PYROXD2: variants seen among roughly 807,000 people sequenced by gnomAD.
PYROXD2 encodes the protein pyridine nucleotide-disulfide oxidoreductase domain-containing protein 2.
PYROXD2 carries 69 observed loss-of-function variants against 71.1 expected under a neutral mutation model. That is an observed-to-expected ratio of 0.97 (90% CI 0.80 to 1.19). The LOEUF (loss-of-function observed/expected upper bound fraction) is 1.19. Ranked by LOEUF, PYROXD2 falls within the 50% of genes most tolerant of loss-of-function variation. The pLI is 0.00. For synonymous variants in PYROXD2, 287 were observed against 302.7 expected (o/e 0.95, Z 0.54); for missense variants, 745 against 748.9 (o/e 0.99, Z 0.06).
chr10:98,406,365 C>T (rs920338902), intron 4 of PYROXD2, among the ~76,000 whole-genome samples: 1 of 152,244 alleles, frequency 6.6e-6, no homozygotes, highest in Non-Finnish European at 1.5e-5. Context: ...ACATCTGCCA[C>T]TATGAATAAG....
chr10:98,387,234 T>C lies in PYROXD2; in HGVS notation c.1521A>G (p.Pro507=), dbSNP rs1842782973. 1.2e-6 allele frequency: 2 copies of C among 1,614,020 alleles called. No homozygotes were observed. Among genetic ancestry groups the C allele is most frequent in the East Asian group, 2.2e-5 (1 of 44,892 alleles). Residue 507 remains proline (P), a synonymous_variant, in exon 14 of 16, where the codon CCA becomes CCG. Coordinates refer to ENST00000370575, the MANE Select transcript of PYROXD2 (RefSeq NM_032709.3). ...SVVGRDILTP[P]DLERIFGLPG... ...GAAGCCCGAAGATTCTCTCCAAATC[T>C]GGTGGTGTGAGGATGTCTCTGCCAA...
chr10:98,402,012 T>TCCTC (rs1414063537), intron 4 of PYROXD2, among the ~76,000 whole-genome samples: 4 of 152,242 alleles, frequency 2.6e-5, no homozygotes, highest in African/African-American at 9.6e-5. Flanking sequence ...CTGTATATAA[T>TCCTC]TATATGTACT....
Position 98,392,490 on chromosome 10 carries a change from C to T in PYROXD2, c.1004G>A (p.Ser335Asn). Reference protein sequence around the residue: ...VVLEDGTEVRSKMVLSNTSPQ... With the variant: ...VVLEDGTEVRNKMVLSNTSPQ... ...TGATGTGTTGGACAGCACCATTTTGCTTCTCACCTCTGTGCCATCTTCCAG... is the reference window on the plus strand; with the variant it reads ...TGATGTGTTGGACAGCACCATTTTGTTTCTCACCTCTGTGCCATCTTCCAG... The change falls in exon 10 of 16, where the codon AGC (serine) becomes AAC (asparagine). Residue 335 changes from serine (S) to asparagine (N), a missense_variant. Physicochemically the swap from Ser to Asn is conservative, Grantham distance 46. Coordinates refer to ENST00000370575, the MANE Select transcript of PYROXD2 (RefSeq NM_032709.3). 1 of 1,613,878 alleles carries T rather than the reference C, an allele frequency of 6.2e-7. No individual in the cohort carries two copies. Among genetic ancestry groups the T allele is most frequent in the Non-Finnish European group, 8.5e-7 (1 of 1,180,046 alleles).
chr10:98,410,492 T>G (rs1013557466), intron 2 of PYROXD2: 1 of 173,796 alleles, frequency 5.8e-6, no homozygotes, highest in Non-Finnish European at 1.2e-5. Context: ...AGCTATGTAC[T>G]CCAAGGTGGT....
intron 13 of PYROXD2, chr10:98,388,070 G>A (rs1395786708): frequency 5.8e-5 from 22 of 377,972 alleles, no homozygotes; most frequent in South Asian, 4.3e-4. Context: ...CCTTTGGTTC[G>A]TGCAGTCAGC....
chr10:98,402,352 T>C (rs185211969), intron 4 of PYROXD2, among the ~76,000 whole-genome samples: 15 of 152,296 alleles, frequency 9.8e-5, no homozygotes, highest in Admixed American at 9.8e-4. Context: ...CTGCCCCACT[T>C]CAGAAATAAA....
chr10:98,408,152 G>C (rs574415509), intron 2 of PYROXD2, among the ~76,000 whole-genome samples, 155 bp from the exon 3 acceptor site: 7,195 of 152,232 alleles, frequency 0.047, 548 homozygotes, highest in African/African-American at 0.16. Flanking sequence ...CTGCCTCTGG[G>C]AATGCCCTTC....
At chr10:98,401,891 C>T (rs970542883) in intron 4 of PYROXD2, among the ~76,000 whole-genome samples, 1 of 152,004 alleles carries the variant, frequency 6.6e-6, no homozygotes, top group Non-Finnish European at 1.5e-5. Flanking sequence ...GGCTGTTTGA[C>T]AGTGAATTTT....
At position 98,383,732 on chromosome 10, in the gene PYROXD2, C is replaced by T. The variant is rs975956258; in HGVS notation, c.*66G>A. ...ACCCGAAGCTGAACTTCCTGGGAAGCTGATCCAATGGAGCACTTGGAATTC... is the reference window on the plus strand; with the variant it reads ...ACCCGAAGCTGAACTTCCTGGGAAGTTGATCCAATGGAGCACTTGGAATTC... On this transcript the variant is annotated 3_prime_UTR_variant, in exon 16 of 16. Transcript: ENST00000370575. 2 of 1,380,246 alleles carry T rather than the reference C, an allele frequency of 1.4e-6. No homozygotes were observed. The highest frequency in any genetic ancestry group is 2.1e-6 in the Non-Finnish European group (2 of 966,660). The allele number at this position is 1,380,246 out of a possible 1,614,324, so 85.5% of individuals were successfully genotyped here.
At position 98,400,222 on chromosome 10, in the gene PYROXD2, G is replaced by T. The variant is rs2135988336; in HGVS notation, c.351C>A (p.Tyr117Ter). 6.2e-7 allele frequency: 1 copy of T among 1,612,336 alleles called. No individual in the cohort carries two copies. Among genetic ancestry groups the T allele is most frequent in the Middle Eastern group, 1.7e-4 (1 of 6,056 alleles). ...HGLRLHLRNP[Y>*]SFTPMLEEGA... ...CCTCTTCCAGCATGGGGGTGAAGGA[G>T]TAGGGGTTTCGAAGATGAAGCCTCA... The change falls in exon 5 of 16, where the codon TAC (tyrosine) becomes TAA (stop). Residue 117 changes from tyrosine (Y) to a stop codon, truncating the protein, a stop_gained. Transcript: ENST00000370575. LOFTEE classifies it high-confidence loss of function.
chr10:98,397,644 C>T (rs1843237640), intron 5 of PYROXD2, 146 bp from the exon 6 acceptor site: 1 of 1,013,746 alleles, frequency 9.9e-7, no homozygotes, highest in Admixed American at 3.5e-5. Context: ...TTGAGCTCCC[C>T]CAGTTCCAGG....
At chr10:98,408,145 C>A in intron 2 of PYROXD2, 148 bp from the exon 3 acceptor site, 1 of 675,436 alleles carries the variant, frequency 1.5e-6, no homozygotes, top group Non-Finnish European at 2.4e-6. Flanking sequence ...GCTGTTCCTG[C>A]CTCTGGGAAT....
intron 4 of PYROXD2, among the ~76,000 whole-genome samples, chr10:98,403,513 G>A (rs1391305052): frequency 6.6e-6 from 1 of 152,134 alleles, no homozygotes; most frequent in Non-Finnish European, 1.5e-5. Flanking sequence ...ATGCAGTCCT[G>A]CCCCTCCCAC....
chr10:98,391,845 A>G (rs1336827222), intron 10 of PYROXD2, among the ~76,000 whole-genome samples: 1 of 152,126 alleles, frequency 6.6e-6, no homozygotes, highest in African/African-American at 2.4e-5. Flanking sequence ...CGGTCATCCC[A>G]GCAGAAACGG....
At chr10:98,385,159 A>C (rs985488450) in intron 14 of PYROXD2, 92 bp from the exon 15 acceptor site, 5 of 1,500,710 alleles carry the variant, frequency 3.3e-6, no homozygotes, top group South Asian at 1.3e-5. Flanking sequence ...TCTTCAGCAA[A>C]TGTTCTTCTC....
intron 13 of PYROXD2, among the ~76,000 whole-genome samples, chr10:98,387,549 C>T (rs1564791129): frequency 6.6e-6 from 1 of 151,312 alleles, no homozygotes; most frequent in Non-Finnish European, 1.5e-5. Context: ...ACTTCCCTAC[C>T]CCAACCTTAA....
At chr10:98,407,318 C>T (rs1302848428) in intron 4 of PYROXD2, among the ~76,000 whole-genome samples, 2 of 152,180 alleles carry the variant, frequency 1.3e-5, no homozygotes, top group Non-Finnish European at 2.9e-5. Flanking sequence ...CCCACGTGGG[C>T]CTGAGGGTGA....
rs549784154 is a variant in PYROXD2, at chr10:98,407,581, C to A, written c.315+1G>T. 148 of 1,613,660 alleles carry A rather than the reference C, an allele frequency of 9.2e-5. No homozygotes were observed. The Admixed American group carries it at 2.4e-3, about 27-fold the overall frequency. ...CAATCGGGCCGGCGGGGGGGCCCTA[C>A]CTTCAGCTCCAGATCAGTGTAAATC... On this transcript the variant is annotated splice_donor_variant, in intron 4 of 15. Transcript: ENST00000370575. LOFTEE classifies it high-confidence loss of function.
rs921355854 is a variant in PYROXD2 at position 98,392,372 on chromosome 10, C to T, written c.1062+60G>A. 1.4e-4 allele frequency: 227 copies of T among 1,583,222 alleles called. 1 individual carries two copies. The highest frequency in any genetic ancestry group is 1.7e-4 in the Non-Finnish European group (204 of 1,167,090). ...GCAATCCTGGCTCCCTCAATCCCCA[C>T]GATTTCTAACCCCTGTTTTGGCAGA... On this transcript the variant is annotated intron_variant, in intron 10 of 15. Coordinates refer to ENST00000370575, the MANE Select transcript of PYROXD2 (RefSeq NM_032709.3).
Sources: gnomAD v4.1 joint callset for allele counts (sites outside exome capture counted in the v4.1 genomes callset) on GRCh38, gnomAD v4.1.1 for gene constraint, MANE v1.5 for transcripts, NCBI Gene and HGNC (gene_info 2026-07-23, HGNC 2026-07-21) for gene names.